OMD: variants seen among roughly 807,000 people sequenced by gnomAD.
OMD encodes KSPG osteomodulin.
In OMD, 19 loss-of-function variants were observed where a neutral mutation model predicts 31.2. The ratio of observed to expected loss-of-function variants is 0.61; its 90% confidence interval spans 0.42 to 0.89. The LOEUF (loss-of-function observed/expected upper bound fraction) is 0.89, where lower values mean the gene tolerates loss of function less well. Ranked by LOEUF, OMD falls within the 40% of genes least tolerant of loss-of-function variation. The pLI, the probability that OMD is intolerant of heterozygous loss-of-function variation, is 0.00. For missense variants in OMD, 448 were observed against 490.8 expected (o/e 0.91, Z 0.82); for synonymous variants, 155 against 166.4 (o/e 0.93, Z 0.53).
At chr9:92,415,875 C>T (rs1471207191) in intron 2 of OMD, among the ~76,000 whole-genome samples, 2 of 143,624 alleles carry the variant, frequency 1.4e-5, no homozygotes, top group Non-Finnish European at 3.0e-5. Context: ...TTATATATTT[C>T]TTCTTTTTTT....
intron 1 of OMD, among the ~76,000 whole-genome samples, chr9:92,418,561 G>A (rs1254236456): frequency 6.6e-6 from 1 of 152,092 alleles, no homozygotes; most frequent in Non-Finnish European, 1.5e-5. Context: ...TCCCTCCACT[G>A]TAAATGCTGT....
chr9:92,416,022 ATTT>A (rs987988381), intron 2 of OMD, among the ~76,000 whole-genome samples: 1 of 140,918 alleles, frequency 7.1e-6, no homozygotes, highest in Non-Finnish European at 1.5e-5. Context: ...GAGAATATAT[ATTT>A]TTTATATATA....
At chr9:92,423,473 T>C (rs1225242621) in intron 1 of OMD, among the ~76,000 whole-genome samples, 4 of 152,170 alleles carry the variant, frequency 2.6e-5, no homozygotes, top group South Asian at 2.1e-4. Context: ...TAATTGTTTT[T>C]ATTTGTATGA....
chr9:92,419,299 CTT>C (rs34582930), intron 1 of OMD, among the ~76,000 whole-genome samples: 40 of 117,058 alleles, frequency 3.4e-4, no homozygotes, highest in Middle Eastern at 9.3e-3. Flanking sequence ...TGCCTTGTGT[CTT>C]TTTTTTTTTT....
chr9:92,420,871 C>T (rs1451336368), intron 1 of OMD, among the ~76,000 whole-genome samples: 1 of 150,642 alleles, frequency 6.6e-6, no homozygotes, highest in Non-Finnish European at 1.5e-5. Flanking sequence ...TGGCATTTGA[C>T]CTAGACTTTG....
rs1843521219 is a variant in OMD at position 92,414,184 on chromosome 9, A to C, written c.*968T>G. On this transcript the variant is annotated 3_prime_UTR_variant, in exon 3 of 3. Transcript: ENST00000375550. ...AAGAAGATGTTAAAACCTGTCATTC[A>C]AATTATAAAGGAACTGTATTCAATT... 1 of 175,784 alleles carries C rather than the reference A, an allele frequency of 5.7e-6. No individual in the cohort carries two copies. Among genetic ancestry groups the C allele is most frequent in the Admixed American group, 6.4e-5 (1 of 15,748 alleles). The allele number at this position is 175,784 out of a possible 1,614,324, so 10.9% of individuals were successfully genotyped here. A position where few individuals can be genotyped will look rare whatever the true frequency, so the allele number is the denominator to read the frequency against.
Position 92,415,474 on chromosome 9 carries a change from A to G in OMD, c.944T>C (p.Met315Thr), listed in dbSNP as rs1360638421. 2 of 1,556,408 alleles carry G rather than the reference A, an allele frequency of 1.3e-6. No individual in the cohort carries two copies. Among genetic ancestry groups the G allele is most frequent in the African/African-American group, 1.4e-5 (1 of 72,646 alleles). Residue 315 changes from methionine to threonine, a missense_variant, in exon 3 of 3, where the codon ATG becomes ACG. Physicochemically the swap from Met to Thr is moderately conservative, Grantham distance 81. Coordinates refer to ENST00000375550, the MANE Select transcript of OMD (RefSeq NM_005014.3). ...LYLQNNEIEK[M>T]NLTVMCPSID... ...AGAAGGACACATCACTGTAAGATTC[A>G]TCTCTGAAAGAAATAAATTAAAAAT...
intron 2 of OMD, among the ~76,000 whole-genome samples, chr9:92,416,007 TAA>T (rs1028751511): frequency 3.4e-5 from 5 of 145,452 alleles, no homozygotes; most frequent in Admixed American, 2.8e-4. Context: ...GTTATATATA[TAA>T]AAGAGAATAT....
In OMD at chr9:92,415,217, C is replaced by G. The variant is rs757300666; in HGVS notation, c.1201G>C (p.Glu401Gln). ...EDHDDPDNAH[E>Q]SPEQEGAEGH... ...TCTGCTCCTTCTTGTTCTGGGCTCT[C>G]ATGAGCATTGTCAGGATCATCGTGA... The change falls in exon 3 of 3, where the codon GAG (glutamate) becomes CAG (glutamine). Residue 401 changes from glutamate to glutamine, a missense_variant. Glu to Gln is a conservative substitution (Grantham distance 29). Transcript: ENST00000375550. The G allele has an allele frequency of 1.2e-6, 2 of 1,613,926 alleles. No homozygotes were observed. The highest frequency in any genetic ancestry group is 2.2e-5 in the South Asian group (2 of 91,064).
chr9:92,413,225 G>T lies in OMD; in HGVS notation c.*1927C>A, dbSNP rs1843495402. Among the ~76,000 whole-genome samples the T allele has an allele frequency of 6.6e-6, 1 of 152,058 alleles. No homozygotes were observed. The highest frequency in any genetic ancestry group is 1.5e-5 in the Non-Finnish European group (1 of 68,002). On this transcript the variant is annotated 3_prime_UTR_variant, in exon 3 of 3. Coordinates refer to ENST00000375550, the MANE Select transcript of OMD (RefSeq NM_005014.3). ...TGGTCTCAAACTCCCGACCCCAGGT[G>T]ATCCACCTAACTCGGCCTTCCAAAG...
chr9:92,423,321 G>A (rs1843870823), intron 1 of OMD, among the ~76,000 whole-genome samples: 1 of 152,036 alleles, frequency 6.6e-6, no homozygotes, highest in African/African-American at 2.4e-5. Context: ...AAAACCATCT[G>A]TGTCATAATA....
rs139462386 is a variant in OMD, at chr9:92,413,396, A to G, written c.*1756T>C. 1.3e-5 allele frequency among the ~76,000 whole-genome samples: 2 copies of G among 152,242 alleles called. No homozygotes were observed. The highest frequency in any genetic ancestry group is 3.9e-4 in the East Asian group (2 of 5,182). On this transcript the variant is annotated 3_prime_UTR_variant, in exon 3 of 3. Coordinates refer to ENST00000375550, the MANE Select transcript of OMD (RefSeq NM_005014.3). ...GCTCCAATTTTTCCACATCTTGCCA[A>G]CACTTGTTATTTGTCTGCCTTTTGA...
intron 1 of OMD, among the ~76,000 whole-genome samples, chr9:92,422,878 A>G (rs546163613): frequency 3.9e-5 from 6 of 152,204 alleles, no homozygotes; most frequent in African/African-American, 9.6e-5. Context: ...TGCTTTTCAT[A>G]CTCTACAATG....
In OMD at chr9:92,415,101, A is replaced by G. The variant is rs570743890; in HGVS notation, c.*51T>C. ...ATACATGTTTACTTAGATTTACTAT[A>G]TTAAGTATAGGTTTTGTGAAGTCGT... On this transcript the variant is annotated 3_prime_UTR_variant, in exon 3 of 3. Coordinates refer to ENST00000375550, the MANE Select transcript of OMD (RefSeq NM_005014.3). The G allele has an allele frequency of 1.5e-6, 2 of 1,331,156 alleles. No homozygotes were observed. Among genetic ancestry groups the G allele is most frequent in the African/African-American group, 2.9e-5 (2 of 68,032 alleles). 82.5% of individuals were successfully genotyped at this position (1,331,156 alleles called of 1,614,324 possible).
At position 92,416,799 on chromosome 9, in the gene OMD, C is replaced by T. The variant is rs763598033; in HGVS notation, c.760G>A (p.Asp254Asn). 4 of 1,613,648 alleles carry T rather than the reference C, an allele frequency of 2.5e-6. No homozygotes were observed. Among genetic ancestry groups the T allele is most frequent in the Non-Finnish European group, 2.5e-6 (3 of 1,179,850 alleles). Residue 254 changes from aspartate to asparagine, a missense_variant, in exon 2 of 3, where the codon GAC becomes AAC. Coordinates refer to ENST00000375550, the MANE Select transcript of OMD (RefSeq NM_005014.3). ...SISSIPEKYF[D>N]KLPKLHTLRM... ...AGAGTATGAAGTTTTGGAAGTTTGT[C>T]GAAGTATTTTTCGGGTATAGAAGAA...
At chr9:92,422,929 A>G (rs1564313102) in intron 1 of OMD, among the ~76,000 whole-genome samples, 1 of 152,220 alleles carries the variant, frequency 6.6e-6, no homozygotes, top group Non-Finnish European at 1.5e-5. Context: ...GCAATATTGT[A>G]TAATTCATTG....
rs759622437 is a variant in OMD at position 92,415,201 on chromosome 9, T to C, written c.1217A>G (p.Glu406Gly). The C allele has an allele frequency of 1.2e-6, 2 of 1,613,828 alleles. No individual in the cohort carries two copies. The highest frequency in any genetic ancestry group is 1.3e-5 in the African/African-American group (1 of 75,044). ...AAGGTCAAAGTGCCCTTCTGCTCCTTCTTGTTCTGGGCTCTCATGAGCATT... is the reference window on the plus strand; with the variant it reads ...AAGGTCAAAGTGCCCTTCTGCTCCTCCTTGTTCTGGGCTCTCATGAGCATT... ...PDNAHESPEQ[E>G]GAEGHFDLHY... The change falls in exon 3 of 3, where the codon GAA becomes GGA. Residue 406 changes from glutamate (E) to glycine (G), a missense_variant. Transcript: ENST00000375550.
intron 1 of OMD, among the ~76,000 whole-genome samples, chr9:92,423,586 TAC>T (rs1263801136): frequency 2.0e-5 from 3 of 152,142 alleles, no homozygotes; most frequent in Non-Finnish European, 4.4e-5. Flanking sequence ...CTATTAAAAA[TAC>T]AATTACCTCA....
At position 92,416,692 on chromosome 9, in the gene OMD, G is replaced by T; in HGVS notation, c.867C>A (p.His289Gln). The T allele has an allele frequency of 6.2e-7, 1 of 1,611,816 alleles. No homozygotes were observed. Among genetic ancestry groups the T allele is most frequent in the Non-Finnish European group, 8.5e-7 (1 of 1,179,330 alleles). The change falls in exon 2 of 3, where the codon CAC becomes CAA. Residue 289 changes from histidine (H) to glutamine (Q), a missense_variant. By Grantham distance (24) the His-to-Gln change is conservative (BLOSUM62 0). Transcript: ENST00000375550. ...LPNIVELSVGHNKLKQAFYIP... is the reference protein window; with the variant it reads ...LPNIVELSVGQNKLKQAFYIP... Reference sequence around the variant, plus strand: ...TATAGAATGCTTGCTTCAATTTGTTGTGTCCAACACTGAGTTCTACAATGT... The same window carrying T: ...TATAGAATGCTTGCTTCAATTTGTTTTGTCCAACACTGAGTTCTACAATGT...
Sources: allele counts gnomAD v4.1 joint callset (sites outside exome capture counted in the v4.1 genomes callset), GRCh38; gene constraint gnomAD v4.1.1; transcripts MANE v1.5; gene names NCBI Gene and HGNC (gene_info 2026-07-23, HGNC 2026-07-21).